The following UGT1A9 variants were observed in gnomAD, a reference collection of about 807,000 sequenced individuals.
UGT1A9 encodes UDP glucuronosyltransferase family 1 member A9, also known as UDP-glucuronosyltransferase 1A9.
Under a neutral mutation model 45.0 loss-of-function variants are expected in UGT1A9, and 35 were observed. The ratio of observed to expected loss-of-function variants is 0.78; its 90% CI spans 0.59 to 1.03. The LOEUF (loss-of-function observed/expected upper bound fraction) is 1.03, where lower values mean the gene tolerates loss of function less well. Ranked by LOEUF, UGT1A9 falls within the 50% of genes least tolerant of loss-of-function variation. The pLI, the probability that UGT1A9 is intolerant of heterozygous loss-of-function variation, is 0.00. For synonymous variants in UGT1A9, 278 were observed against 250.6 expected, an observed-to-expected ratio of 1.11 and a Z score of -1.03; for missense variants, 687 against 666.6, an observed-to-expected ratio of 1.03 and a Z score of -0.34.
chr2:233,674,070 T>C (rs1015042043), intron 1 of UGT1A9, among the ~76,000 whole-genome samples: 3 of 152,168 alleles, frequency 2.0e-5, no homozygotes. Context: ...AAACACCTAA[T>C]GTCTAATCTC....
chr2:233,755,373 C>T (rs534555830), intron 1 of UGT1A9: 63 of 357,550 alleles, frequency 1.8e-4, no homozygotes, highest in Non-Finnish European at 2.9e-4. Flanking sequence ...GCCTGGAGGG[C>T]CGCCCCTTAT....
chr2:233,727,966 G>A (rs1025938754), intron 1 of UGT1A9, among the ~76,000 whole-genome samples: 37 of 152,228 alleles, frequency 2.4e-4, no homozygotes, highest in African/African-American at 8.2e-4. Context: ...TCATCCTGAG[G>A]TGACCAGGAC....
intron 1 of UGT1A9, among the ~76,000 whole-genome samples, chr2:233,759,628 CCTT>C (rs1265834229): frequency 8.9e-6 from 1 of 112,932 alleles, no homozygotes; most frequent in Admixed American, 1.4e-4. Context: ...CTGTTCATTT[CCTT>C]CTTAGCATGC....
chr2:233,728,275 C>T (rs45459598), intron 1 of UGT1A9, among the ~76,000 whole-genome samples: 67 of 152,164 alleles, frequency 4.4e-4, no homozygotes, highest in Non-Finnish European at 6.9e-4. Context: ...CTGGAGCCTT[C>T]GGCATTCAGA....
intron 1 of UGT1A9, among the ~76,000 whole-genome samples, chr2:233,763,508 A>G (rs1374305000): frequency 6.6e-6 from 1 of 152,166 alleles, no homozygotes; most frequent in Non-Finnish European, 1.5e-5. Context: ...CTTTATGTTT[A>G]GTTGACTTTG....
At chr2:233,729,299 C>T in intron 1 of UGT1A9, 2 of 1,614,234 alleles carry the variant, frequency 1.2e-6, no homozygotes, top group Non-Finnish European at 1.7e-6. Flanking sequence ...GGCCACCAGG[C>T]AGTGGTCCTC....
intron 1 of UGT1A9, among the ~76,000 whole-genome samples, chr2:233,680,626 A>G (rs1036563876): frequency 6.6e-6 from 1 of 152,182 alleles, no homozygotes; most frequent in Non-Finnish European, 1.5e-5. Context: ...GCCCAATGCA[A>G]TGAGAATTCC....
rs1228021328 is a variant in UGT1A9, at chr2:233,772,590, A to G, written c.*31A>G. The G allele has an allele frequency of 2.5e-6, 4 of 1,602,300 alleles. No homozygotes were observed. Among genetic ancestry groups the G allele is most frequent in the Non-Finnish European group, 2.6e-6 (3 of 1,173,678 alleles). ...GGGTGGGAAATAAGGTAAAATTTTG[A>G]ACCATTCCCTAGTCATTTCCAAACT... is the stretch of plus-strand genomic sequence containing the variant. On this transcript the variant is annotated 3_prime_UTR_variant, in exon 5 of 5. Transcript: ENST00000354728.
chr2:233,770,961 C>T (rs898469927), intron 4 of UGT1A9: 13 of 152,156 alleles, frequency 8.5e-5, no homozygotes, highest in African/African-American at 3.1e-4. Flanking sequence ...GGAGCTTTTA[C>T]TCATGGCAGA....
intron 1 of UGT1A9, chr2:233,719,128 C>G: frequency 6.2e-7 from 1 of 1,614,240 alleles, no homozygotes; most frequent in East Asian, 2.2e-5. Flanking sequence ...TTCTTTGAAA[C>G]AGAACATCTT....
chr2:233,705,860 G>A (rs2075875897), intron 1 of UGT1A9, among the ~76,000 whole-genome samples: 1 of 152,168 alleles, frequency 6.6e-6, no homozygotes, highest in Non-Finnish European at 1.5e-5. Flanking sequence ...AGCTGAGGCA[G>A]GCAGATCACT....
intron 1 of UGT1A9, among the ~76,000 whole-genome samples, chr2:233,688,220 C>G (rs1367273237): frequency 6.6e-6 from 1 of 152,222 alleles, no homozygotes; most frequent in East Asian, 1.9e-4. Context: ...TGTGGCTTAT[C>G]CATGTTGTAG....
chr2:233,693,565 C>T (rs145551470), intron 1 of UGT1A9: 249 of 1,614,094 alleles, frequency 1.5e-4, no homozygotes, highest in Non-Finnish European at 2.0e-4. Flanking sequence ...GAAGCCCAGA[C>T]CCTGTGTCCT....
chr2:233,744,977 C>T (rs528812849), intron 1 of UGT1A9, among the ~76,000 whole-genome samples: 2 of 151,856 alleles, frequency 1.3e-5, no homozygotes, highest in Non-Finnish European at 1.5e-5. Flanking sequence ...CTTTAAGCCT[C>T]TAGTCATCTC....
In UGT1A9 at chr2:233,747,393, C is replaced by T. The variant is rs925567764; in HGVS notation, c.856-19641C>T. Reference sequence around the variant, plus strand: ...TGCCAGAGGCCACCAGGCGGTGGTCCTCACCCCAGAGGTGAATATGCACAT... The same window carrying T: ...TGCCAGAGGCCACCAGGCGGTGGTCTTCACCCCAGAGGTGAATATGCACAT... On this transcript the variant is annotated intron_variant, in intron 1 of 4. Transcript: ENST00000354728. 15 of 1,605,988 alleles carry T rather than the reference C, an allele frequency of 9.3e-6. No homozygotes were observed. The East Asian group carries it at 3.3e-4, about 36-fold the overall frequency.
intron 1 of UGT1A9, chr2:233,743,502 T>A: frequency 1.5e-6 from 2 of 1,367,112 alleles, no homozygotes; most frequent in Non-Finnish European, 2.0e-6. Context: ...AGAAAAGGGG[T>A]GCAGACGCTC....
At chr2:233,743,759 T>C in intron 1 of UGT1A9, 7 of 1,367,366 alleles carry the variant, frequency 5.1e-6, no homozygotes, top group South Asian at 4.5e-5. Flanking sequence ...CAACACCTCG[T>C]AGGCCTCGGC....
rs1319109473 is a variant in UGT1A9, at chr2:233,724,136, C to T, written c.856-42898C>T. On this transcript the variant is annotated intron_variant, in intron 1 of 4. Coordinates refer to ENST00000354728, the MANE Select transcript of UGT1A9 (RefSeq NM_021027.3). ...GCAGAGGCGCCCCTCACCTCCCGGA[C>T]GGGGCGGCTGGCCGGGTGGGGGGGC... Among the ~76,000 whole-genome samples, 110 of 111,694 alleles carry T rather than the reference C, an allele frequency of 9.8e-4. 3 individuals carry two copies. Among genetic ancestry groups the T allele is most frequent in the Middle Eastern group, 4.2e-3 (1 of 236 alleles). 73.3% of individuals were successfully genotyped at this position (111,694 alleles called of 152,430 possible).
At chr2:233,712,490 G>T (rs916274893) in intron 1 of UGT1A9, among the ~76,000 whole-genome samples, 2 of 152,158 alleles carry the variant, frequency 1.3e-5, no homozygotes, top group Admixed American at 1.3e-4. Context: ...AAGAAAGCTG[G>T]CTTAGCAATG....
Sources: allele counts gnomAD v4.1 joint callset (sites outside exome capture counted in the v4.1 genomes callset), GRCh38; gene constraint gnomAD v4.1.1; transcripts MANE v1.5; gene names NCBI Gene and HGNC (gene_info 2026-07-23, HGNC 2026-07-21).